Variants in SCHIP1 observed in about 807,000 individuals in gnomAD.
SCHIP1 encodes the protein schwannomin-interacting protein 1.
In SCHIP1, 8 loss-of-function variants were observed where a neutral mutation model predicts 29.7. The observed-to-expected ratio is 0.27, with a 90% CI of 0.16 to 0.49. SCHIP1 has a LOEUF of 0.49. Ranked by LOEUF, SCHIP1 falls within the 20% of genes least tolerant of loss-of-function variation. The probability of loss-of-function intolerance (pLI) is 0.99; values close to 1 mark genes in which losing one functional copy is unlikely to be tolerated. For synonymous variants in SCHIP1, 76 were observed against 94.9 expected (o/e 0.80, Z 1.16); for missense variants, 193 against 294.6 (o/e 0.66, Z 2.52).
chr3:159,358,477 C>G, the SCHIP1 span, among the ~76,000 whole-genome samples: 2 of 152,126 alleles, frequency 1.3e-5, no homozygotes, highest in African/African-American at 4.8e-5. Context: ...CATGGCCTCA[C>G]CTGTTGGGAG....
At chr3:159,554,955 G>T in the SCHIP1 span, among the ~76,000 whole-genome samples, 1 of 152,068 alleles carries the variant, frequency 6.6e-6, no homozygotes, top group African/African-American at 2.4e-5. Flanking sequence ...AGAGGAAAAG[G>T]AAGACACCCA....
the SCHIP1 span, among the ~76,000 whole-genome samples, chr3:159,541,127 T>C: frequency 2.6e-5 from 4 of 152,094 alleles, no homozygotes; most frequent in Non-Finnish European, 5.9e-5. Context: ...AACAGAAGGT[T>C]AAGCCTAAGG....
At chr3:159,424,332 G>A in the SCHIP1 span, among the ~76,000 whole-genome samples, 1 of 152,270 alleles carries the variant, frequency 6.6e-6, no homozygotes, top group East Asian at 1.9e-4. Context: ...AACCAATACA[G>A]AGAAGTGCTT....
the SCHIP1 span, among the ~76,000 whole-genome samples, chr3:159,436,152 G>T: frequency 1.3e-5 from 2 of 152,106 alleles, no homozygotes; most frequent in Non-Finnish European, 2.9e-5. Context: ...ATCAGCATTG[G>T]TATCCAAATA....
the SCHIP1 span, among the ~76,000 whole-genome samples, chr3:159,334,009 C>T: frequency 6.6e-6 from 1 of 152,130 alleles, no homozygotes; most frequent in Non-Finnish European, 1.5e-5. Flanking sequence ...CACATACCTA[C>T]CAGTTTTAAA....
the SCHIP1 span, among the ~76,000 whole-genome samples, chr3:159,831,664 C>T: frequency 1.3e-5 from 2 of 152,146 alleles, no homozygotes; most frequent in Admixed American, 6.5e-5. Context: ...CAAACTGATA[C>T]TGAGCCAGCT....
the SCHIP1 span, among the ~76,000 whole-genome samples, chr3:159,543,040 T>C: frequency 1.3e-5 from 2 of 151,740 alleles, no homozygotes; most frequent in East Asian, 3.9e-4. Context: ...TGTGTATATA[T>C]ATATACACAC....
the SCHIP1 span, among the ~76,000 whole-genome samples, chr3:159,777,714 G>C: frequency 6.6e-6 from 1 of 152,158 alleles, no homozygotes; most frequent in African/African-American, 2.4e-5. Context: ...AAATTCATCT[G>C]AGACCACTTA....
At chr3:159,570,770 T>C in the SCHIP1 span, among the ~76,000 whole-genome samples, 2,694 of 152,304 alleles carry the variant, frequency 0.018, 34 homozygotes, top group Middle Eastern at 0.027. Flanking sequence ...ATTCTTCGTA[T>C]CCATGAGCAT....
chr3:159,511,724 T>C, the SCHIP1 span, among the ~76,000 whole-genome samples: 2 of 152,204 alleles, frequency 1.3e-5, no homozygotes, highest in African/African-American at 4.8e-5. Flanking sequence ...GGACATAGCA[T>C]TTGACAAAAC....
chr3:159,309,014 G>A, the SCHIP1 span: 1 of 152,046 alleles, frequency 6.6e-6, no homozygotes, highest in Non-Finnish European at 1.5e-5. Flanking sequence ...TGGACTATGA[G>A]AGGGTGGCAG....
At chr3:159,820,455 T>C in the SCHIP1 span, among the ~76,000 whole-genome samples, 1 of 152,152 alleles carries the variant, frequency 6.6e-6, no homozygotes, top group Admixed American at 6.5e-5. Context: ...TACACACAGA[T>C]CCTTTAAAGA....
chr3:159,637,672 C>A, the SCHIP1 span, among the ~76,000 whole-genome samples: 2 of 152,126 alleles, frequency 1.3e-5, no homozygotes. Context: ...CCAAAATCTC[C>A]TTCTAGAAAA....
chr3:159,642,396 G>T, the SCHIP1 span, among the ~76,000 whole-genome samples: 1 of 151,954 alleles, frequency 6.6e-6, no homozygotes, highest in Admixed American at 6.6e-5. Flanking sequence ...TCAGGTTCAA[G>T]GCATAACAAA....
At chr3:159,325,698 A>G in the SCHIP1 span, among the ~76,000 whole-genome samples, 1 of 151,814 alleles carries the variant, frequency 6.6e-6, no homozygotes, top group Non-Finnish European at 1.5e-5. Context: ...TTTAATTGTC[A>G]ATTTACTCTA....
the SCHIP1 span, among the ~76,000 whole-genome samples, chr3:159,694,213 C>T: frequency 0.025 from 3,722 of 150,410 alleles, 70 homozygotes; most frequent in African/African-American, 0.054. Flanking sequence ...GGGCCAGGTG[C>T]GGTGGCTCAT....
At chr3:159,885,364 G>A (rs1392708040) in intron 2 of SCHIP1, among the ~76,000 whole-genome samples, 1 of 152,210 alleles carries the variant, frequency 6.6e-6, no homozygotes, top group Non-Finnish European at 1.5e-5. Context: ...TCACCAAACA[G>A]TATTGAAATG....
intron 2 of SCHIP1, among the ~76,000 whole-genome samples, chr3:159,883,159 T>C (rs1380841179): frequency 6.6e-6 from 1 of 152,224 alleles, no homozygotes; most frequent in Non-Finnish European, 1.5e-5. Flanking sequence ...CAGCAGCCTT[T>C]GTACAGTGCT....
chr3:159,463,638 G>A, the SCHIP1 span, among the ~76,000 whole-genome samples: 1 of 151,848 alleles, frequency 6.6e-6, no homozygotes, highest in Admixed American at 6.6e-5. Flanking sequence ...AATAAAATAT[G>A]TTCTGTCAGT....
Sources: allele counts gnomAD v4.1 joint callset (sites outside exome capture counted in the v4.1 genomes callset), GRCh38; gene constraint gnomAD v4.1.1; transcripts MANE v1.5; gene names NCBI Gene and HGNC (gene_info 2026-07-23, HGNC 2026-07-21).